ANKFY1: variants seen among roughly 807,000 people sequenced by gnomAD.
ANKFY1 encodes the protein ankyrin repeat and FYVE domain containing 1.
In ANKFY1, 47 loss-of-function variants were observed where a neutral mutation model predicts 128.3. The observed-to-expected ratio is 0.37, with a 90% CI of 0.29 to 0.47. The LOEUF is 0.47. ANKFY1 is among the 20% of genes least tolerant of loss of function. The pLI is 1.00. For synonymous variants in ANKFY1, 553 were observed against 601.6 expected, an observed-to-expected ratio of 0.92 and a Z score of 1.18; for missense variants, 1,222 against 1,510.6, an observed-to-expected ratio of 0.81 and a Z score of 3.17.
rs116270020 is a variant in ANKFY1 at position 4,190,112 on chromosome 17, G to A, written c.1373-633C>T. Among the ~76,000 whole-genome samples the A allele has an allele frequency of 5.0e-3, 761 of 152,194 alleles. 5 individuals are homozygous for A. The highest frequency in any genetic ancestry group is 0.018 in the African/African-American group (735 of 41,544). ...CTGTTCTGCACACTGTACAATGTTC[G>A]GCAGCATCCTCTGAACTTAAAGACA... On this transcript the variant is annotated intron_variant, in intron 10 of 24. Coordinates refer to ENST00000341657, the MANE Select transcript of ANKFY1 (RefSeq NM_001330063.2).
Position 4,235,752 on chromosome 17 carries a change from C to T in ANKFY1, c.322+20G>A. 6.3e-7 allele frequency: 1 copy of T among 1,585,962 alleles called. No homozygotes were observed. The highest frequency in any genetic ancestry group is 8.7e-7 in the Non-Finnish European group (1 of 1,154,884). ...CCCTTCCGCTAGCAGTTTTGTGTCC[C>T]TGATCACTCAAAGGCTCACCTGACA... is the stretch of plus-strand genomic sequence containing the variant. On this transcript the variant is annotated intron_variant, in intron 3 of 24. Transcript: ENST00000341657.
intron 1 of ANKFY1, among the ~76,000 whole-genome samples, chr17:4,259,784 A>G (rs766223117): frequency 2.0e-5 from 3 of 152,212 alleles, no homozygotes; most frequent in Non-Finnish European, 4.4e-5. Flanking sequence ...TCCTTCAACC[A>G]CAGCCATGAT....
intron 2 of ANKFY1, among the ~76,000 whole-genome samples, chr17:4,239,849 T>C (rs1295252110): frequency 6.6e-6 from 1 of 152,086 alleles, no homozygotes; most frequent in Non-Finnish European, 1.5e-5. Flanking sequence ...GTCATAATTA[T>C]GTGGAAATTT....
intron 6 of ANKFY1, 54 bp downstream of exon 6, chr17:4,207,879 G>C: frequency 6.6e-7 from 1 of 1,506,228 alleles, no homozygotes; most frequent in South Asian, 1.4e-5. Flanking sequence ...CACGGAGAAA[G>C]ACAAGTGCAT....
chr17:4,182,210 T>A lies in ANKFY1; in HGVS notation c.2092A>T (p.Asn698Tyr). 1.3e-6 allele frequency: 2 copies of A among 1,571,618 alleles called. No individual in the cohort carries two copies. Among genetic ancestry groups the A allele is most frequent in the Non-Finnish European group, 8.7e-7 (1 of 1,154,770 alleles). Reference sequence around the variant, plus strand: ...GTGGATGCGATGTCCTCCAGATTGTTTGCCAATGCAAGCCACAGCGGGGGG... The same window carrying A: ...GTGGATGCGATGTCCTCCAGATTGTATGCCAATGCAAGCCACAGCGGGGGG... ...GNPPLWLALA[N>Y]NLEDIASTLV... is the part of the protein sequence containing the mutation. Residue 698 changes from asparagine to tyrosine, a missense_variant, in exon 15 of 25, where the codon AAC (asparagine) becomes TAC (tyrosine). Transcript: ENST00000341657.
At chr17:4,201,148 A>G (rs1484421637) in intron 7 of ANKFY1, among the ~76,000 whole-genome samples, 3 of 152,134 alleles carry the variant, frequency 2.0e-5, no homozygotes, top group Non-Finnish European at 4.4e-5. Flanking sequence ...CTCCTGCCTC[A>G]GCCTCCCAAG....
chr17:4,193,873 C>A (rs2059764045), intron 10 of ANKFY1, among the ~76,000 whole-genome samples: 1 of 151,408 alleles, frequency 6.6e-6, no homozygotes, highest in South Asian at 2.1e-4. Flanking sequence ...AATTCTCCTA[C>A]CTCAGCGTCC....
chr17:4,198,315 C>T (rs532176775), intron 7 of ANKFY1, among the ~76,000 whole-genome samples: 7 of 152,088 alleles, frequency 4.6e-5, no homozygotes, highest in African/African-American at 1.7e-4. Context: ...CTTGCATTCA[C>T]GTTCCTACTC....
intron 1 of ANKFY1, among the ~76,000 whole-genome samples, chr17:4,262,763 C>CA (rs1968491343): frequency 1.3e-5 from 2 of 152,148 alleles, no homozygotes; most frequent in African/African-American, 4.8e-5. Context: ...CACACACACA[C>CA]CCCCCAAAAC....
chr17:4,187,144 AC>A (rs1456296400), intron 11 of ANKFY1: 3 of 629,386 alleles, frequency 4.8e-6, no homozygotes, highest in Non-Finnish European at 6.8e-6. Flanking sequence ...TTTATCCCCC[AC>A]CGCCCTCCCA....
At chr17:4,223,375 T>C in intron 3 of ANKFY1, 3 of 1,589,850 alleles carry the variant, frequency 1.9e-6, no homozygotes, top group East Asian at 2.2e-5. Flanking sequence ...AGATTGCCTG[T>C]GGAATGAGCT....
intron 1 of ANKFY1, among the ~76,000 whole-genome samples, chr17:4,262,544 G>A (rs968699533): frequency 1.3e-5 from 2 of 151,992 alleles, no homozygotes; most frequent in African/African-American, 2.4e-5. Context: ...TTACTAGCGC[G>A]AGCCACCACA....
At chr17:4,259,328 T>C (rs960945992) in intron 1 of ANKFY1, among the ~76,000 whole-genome samples, 1 of 152,258 alleles carries the variant, frequency 6.6e-6, no homozygotes, top group Non-Finnish European at 1.5e-5. Context: ...TTGCTCAGGC[T>C]GGAGTGCGGT....
chr17:4,235,874 C>T lies in ANKFY1; in HGVS notation c.220G>A (p.Val74Ile). ...TGAGCACTGATGTGCCTGTCCCCAA[C>T]CTTTATCTTCAGATCGCTGATGAAG... ...QEQYSDLKIK[V>I]GDRHISAHKF... The change falls in exon 3 of 25, where the codon GTT (valine) becomes ATT (isoleucine). Residue 74 changes from valine to isoleucine, a missense_variant. Val to Ile is a conservative substitution (Grantham distance 29). Coordinates refer to ENST00000341657, the MANE Select transcript of ANKFY1 (RefSeq NM_001330063.2). 6.2e-7 allele frequency: 1 copy of T among 1,613,596 alleles called. No individual in the cohort carries two copies. Among genetic ancestry groups the T allele is most frequent in the Non-Finnish European group, 8.5e-7 (1 of 1,179,618 alleles).
intron 10 of ANKFY1, among the ~76,000 whole-genome samples, chr17:4,193,597 T>TCAG (rs1343361734): frequency 2.6e-5 from 4 of 151,876 alleles, no homozygotes; most frequent in Non-Finnish European, 5.9e-5. Flanking sequence ...CGGCTAATTT[T>TCAG]TGTATTTCAG....
At chr17:4,263,742 C>G (rs1257332385) in intron 1 of ANKFY1, 190 bp downstream of exon 1, 1 of 1,494,960 alleles carries the variant, frequency 6.7e-7, no homozygotes, top group African/African-American at 1.4e-5. Flanking sequence ...GCGGGAGGGA[C>G]GTTGTCATAG....
intron 3 of ANKFY1, 46 bp from the exon 4 acceptor site, chr17:4,217,164 G>GC (rs746753002): frequency 1.9e-6 from 3 of 1,592,754 alleles, no homozygotes; most frequent in Non-Finnish European, 2.6e-6. Context: ...AGAATGACAT[G>GC]CTTAGACTTT....
intron 3 of ANKFY1, among the ~76,000 whole-genome samples, chr17:4,220,964 G>GC (rs2060301072): frequency 6.6e-6 from 1 of 152,218 alleles, no homozygotes; most frequent in African/African-American, 2.4e-5. Context: ...GGCCCTGCAT[G>GC]CAAGCCAGAA....
At chr17:4,260,726 C>A (rs1968372465) in intron 1 of ANKFY1, among the ~76,000 whole-genome samples, 1 of 150,746 alleles carries the variant, frequency 6.6e-6, no homozygotes, top group Non-Finnish European at 1.5e-5. Context: ...CAGACTTTAG[C>A]TAAATATATA....
Sources: gnomAD v4.1 joint callset for allele counts (sites outside exome capture counted in the v4.1 genomes callset) on GRCh38, gnomAD v4.1.1 for gene constraint, MANE v1.5 for transcripts, NCBI Gene and HGNC (gene_info 2026-07-23, HGNC 2026-07-21) for gene names.